LCLAT1: variants seen among roughly 807,000 people sequenced by gnomAD.
LCLAT1 encodes 1-AGP acyltransferase 8.
A neutral mutation model predicts 30.7 loss-of-function variants in LCLAT1; 11 were observed. That is an observed-to-expected ratio of 0.36 (90% CI 0.23 to 0.59). The LOEUF is 0.59. Ranked by LOEUF, LCLAT1 falls within the 20% of genes least tolerant of loss-of-function variation. LCLAT1 has a pLI of 0.77. For missense variants in LCLAT1, 402 were observed against 458.6 expected, an observed-to-expected ratio of 0.88 and a Z score of 1.13; for synonymous variants, 155 against 151.3, an observed-to-expected ratio of 1.02 and a Z score of -0.18.
intron 3 of LCLAT1, among the ~76,000 whole-genome samples, chr2:30,544,286 C>T (rs1010912142): frequency 5.3e-5 from 8 of 152,074 alleles, no homozygotes; most frequent in Admixed American, 1.3e-4. Context: ...ATGATTTGAC[C>T]GATAGGGTCT....
At chr2:30,485,321 C>T (rs999773374) in intron 1 of LCLAT1, among the ~76,000 whole-genome samples, 1 of 152,126 alleles carries the variant, frequency 6.6e-6, no homozygotes, top group South Asian at 2.1e-4. Flanking sequence ...AAGCACTACA[C>T]TAGGCTTCCA....
intron 5 of LCLAT1, among the ~76,000 whole-genome samples, chr2:30,575,860 C>T (rs1162218728): frequency 6.6e-6 from 1 of 152,022 alleles, no homozygotes; most frequent in Non-Finnish European, 1.5e-5. Context: ...TCTCTCTGTA[C>T]CACTTGACTT....
chr2:30,536,937 T>C (rs572388330), intron 3 of LCLAT1, among the ~76,000 whole-genome samples: 1 of 152,322 alleles, frequency 6.6e-6, no homozygotes, highest in South Asian at 2.1e-4. Flanking sequence ...TTTTTAAAAA[T>C]ACAAAGCAGG....
intron 4 of LCLAT1, among the ~76,000 whole-genome samples, chr2:30,565,683 G>A (rs563248854): frequency 3.9e-5 from 6 of 152,090 alleles, no homozygotes; most frequent in South Asian, 2.1e-4. Context: ...CTACTCTCAC[G>A]AAGTTTACGT....
Position 30,513,839 on chromosome 2 carries a change from C to T in LCLAT1, c.-4-11748C>T, listed in dbSNP as rs561075478. Reference sequence around the variant, plus strand: ...AGCCCCCTCCCTGCTTCGAGTTGTCCCGCCTTTCCAGATAGAACCAAATGT... The same window carrying T: ...AGCCCCCTCCCTGCTTCGAGTTGTCTCGCCTTTCCAGATAGAACCAAATGT... On this transcript the variant is annotated intron_variant, in intron 1 of 5. Coordinates refer to ENST00000379509, the MANE Select transcript of LCLAT1 (RefSeq NM_001002257.3). 7.2e-5 allele frequency among the ~76,000 whole-genome samples: 11 copies of T among 152,270 alleles called. No homozygotes were observed. The East Asian group carries it at 1.2e-3, about 16-fold the overall frequency.
intron 1 of LCLAT1, among the ~76,000 whole-genome samples, chr2:30,487,124 A>G (rs1479213628): frequency 6.6e-6 from 1 of 152,222 alleles, no homozygotes; most frequent in Non-Finnish European, 1.5e-5. Context: ...TAATTTGTAC[A>G]TGTCTTGCTC....
At chr2:30,490,389 T>G (rs1250192709) in intron 1 of LCLAT1, among the ~76,000 whole-genome samples, 1 of 151,918 alleles carries the variant, frequency 6.6e-6, no homozygotes, top group African/African-American at 2.4e-5. Context: ...TTTTTTTTAG[T>G]AGAGACTGGG....
chr2:30,533,113 T>G lies in LCLAT1; in HGVS notation c.166-3T>G. The stretch of plus-strand genomic sequence containing the variant: ...TTGCTGTATATCTGTATTGTTTTCT[T>G]AGGCATTATTGGAGACCATGTTTGG... On this transcript the variant is annotated splice_region_variant and splice_polypyrimidine_tract_variant and intron_variant, in intron 2 of 5. Coordinates refer to ENST00000379509, the MANE Select transcript of LCLAT1 (RefSeq NM_001002257.3). 6.2e-7 allele frequency: 1 copy of G among 1,607,360 alleles called. No homozygotes were observed. Among genetic ancestry groups the G allele is most frequent in the Non-Finnish European group, 8.5e-7 (1 of 1,173,764 alleles).
At chr2:30,470,072 C>T (rs1466262695) in intron 1 of LCLAT1, among the ~76,000 whole-genome samples, 3 of 152,088 alleles carry the variant, frequency 2.0e-5, no homozygotes, top group Non-Finnish European at 4.4e-5. Flanking sequence ...TGAAATCACA[C>T]GAGTGTCAAA....
At chr2:30,480,382 A>G (rs1683259589) in intron 1 of LCLAT1, among the ~76,000 whole-genome samples, 1 of 151,822 alleles carries the variant, frequency 6.6e-6, no homozygotes, top group Admixed American at 6.6e-5. Context: ...CTTTGTAGAA[A>G]TGGGGTTTTG....
chr2:30,592,773 T>TAACA (rs757509302), intron 5 of LCLAT1, among the ~76,000 whole-genome samples: 1 of 152,240 alleles, frequency 6.6e-6, no homozygotes, highest in Non-Finnish European at 1.5e-5. Context: ...AATCTGCTAC[T>TAACA]AACACTTATT....
At chr2:30,487,829 A>C (rs1359605822) in intron 1 of LCLAT1, among the ~76,000 whole-genome samples, 1 of 152,196 alleles carries the variant, frequency 6.6e-6, no homozygotes, top group Non-Finnish European at 1.5e-5. Context: ...TTATAATTTA[A>C]GTTGTACAGT....
At chr2:30,524,280 TA>T (rs1394065800) in intron 1 of LCLAT1, among the ~76,000 whole-genome samples, 1 of 152,224 alleles carries the variant, frequency 6.6e-6, no homozygotes, top group African/African-American at 2.4e-5. Flanking sequence ...GTGAAGAGTC[TA>T]AGTTCTACTT....
intron 1 of LCLAT1, among the ~76,000 whole-genome samples, chr2:30,493,577 A>C (rs1023003249): frequency 1.3e-5 from 2 of 152,168 alleles, no homozygotes. Context: ...ACATCAGTAA[A>C]TGTTAATATG....
At chr2:30,450,800 A>G (rs1296587503) in intron 1 of LCLAT1, among the ~76,000 whole-genome samples, 2 of 152,248 alleles carry the variant, frequency 1.3e-5, no homozygotes, top group African/African-American at 4.8e-5. Flanking sequence ...TGGAATAGGC[A>G]GAGATTCTTA....
intron 3 of LCLAT1, among the ~76,000 whole-genome samples, chr2:30,553,731 C>T (rs1306164812): frequency 1.3e-5 from 2 of 151,892 alleles, no homozygotes; most frequent in African/African-American, 4.8e-5. Flanking sequence ...AGGAGAATGG[C>T]GTGAACCCGG....
chr2:30,559,323 G>A (rs973775931), intron 3 of LCLAT1, among the ~76,000 whole-genome samples: 6 of 152,034 alleles, frequency 3.9e-5, no homozygotes, highest in South Asian at 4.2e-4. Context: ...CTTACTGTCC[G>A]CACACTTCAC....
chr2:30,536,784 A>G (rs1052173370), intron 3 of LCLAT1, among the ~76,000 whole-genome samples: 2 of 152,258 alleles, frequency 1.3e-5, no homozygotes, highest in Non-Finnish European at 2.9e-5. Context: ...ATAAACAATA[A>G]GACAAGAAGA....
Position 30,526,585 on chromosome 2 carries a change from T to C in LCLAT1, c.165+830T>C, listed in dbSNP as rs557061172. Among the ~76,000 whole-genome samples the C allele has an allele frequency of 1.4e-4, 22 of 152,342 alleles. No homozygotes were observed. In the East Asian group the frequency reaches 4.2e-3, roughly 29 times the overall value. On this transcript the variant is annotated intron_variant, in intron 2 of 5. Transcript: ENST00000379509. ...TTTTACTCTGTCAGGGCCAGTCTTT[T>C]AGGCAAAATTTCTTCTTGCTTTTTT...
Sources: gnomAD v4.1 joint callset for allele counts (sites outside exome capture counted in the v4.1 genomes callset) on GRCh38, gnomAD v4.1.1 for gene constraint, MANE v1.5 for transcripts, NCBI Gene and HGNC (gene_info 2026-07-23, HGNC 2026-07-21) for gene names.